The following OCM variants were observed in gnomAD, a reference collection of about 807,000 sequenced individuals.
The protein encoded by OCM is oncomodulin-1.
OCM carries 18 observed loss-of-function variants against 14.1 expected under a neutral mutation model. The observed-to-expected ratio is 1.28, with a 90% CI of 0.88 to 1.89. The LOEUF (loss-of-function observed/expected upper bound fraction) is 1.89. Among genes scored for constraint, OCM ranks in the 40% most tolerant of loss-of-function variants. OCM has a pLI of 0.00. For missense variants in OCM, 140 were observed against 137.6 expected, an observed-to-expected ratio of 1.02 and a Z score of -0.09; for synonymous variants, 48 against 51.0, an observed-to-expected ratio of 0.94 and a Z score of 0.25.
chr7:5,864,563 C>G, the OCM span, among the ~76,000 whole-genome samples: 4 of 152,006 alleles, frequency 2.6e-5, no homozygotes, highest in African/African-American at 7.3e-5. Flanking sequence ...GCAAAACCAG[C>G]AAGAAAATTC....
chr7:5,866,191 G>A, the OCM span, among the ~76,000 whole-genome samples: 1 of 151,588 alleles, frequency 6.6e-6, no homozygotes, highest in African/African-American at 2.4e-5. Context: ...TGGTTCTGGT[G>A]GTGTGTGCCT....
At chr7:5,865,444 A>G in the OCM span, among the ~76,000 whole-genome samples, 1 of 152,146 alleles carries the variant, frequency 6.6e-6, no homozygotes, top group South Asian at 2.1e-4. Flanking sequence ...GAGAAAGAGA[A>G]CCCCAACTCA....
chr7:5,872,807 T>C, the OCM span, among the ~76,000 whole-genome samples: 7 of 151,838 alleles, frequency 4.6e-5, 1 homozygote, highest in Admixed American at 2.0e-4. Context: ...GCTGACCTTC[T>C]CTCCACTATT....
the OCM span, among the ~76,000 whole-genome samples, chr7:5,866,870 G>A: frequency 6.6e-6 from 1 of 152,138 alleles, no homozygotes; most frequent in Non-Finnish European, 1.5e-5. Context: ...TCCCACAATT[G>A]TGTAAGGTCC....
At chr7:5,863,922 C>T in the OCM span, among the ~76,000 whole-genome samples, 1 of 151,982 alleles carries the variant, frequency 6.6e-6, no homozygotes, top group Non-Finnish European at 1.5e-5. Flanking sequence ...AACCTGGGGA[C>T]ACTCTCCTCT....
At chr7:5,862,789 C>G in the OCM span, among the ~76,000 whole-genome samples, 3 of 151,998 alleles carry the variant, frequency 2.0e-5, no homozygotes. Flanking sequence ...ATCTACTGAG[C>G]TCAAGATGAA....
the OCM span, among the ~76,000 whole-genome samples, chr7:5,872,880 A>G: frequency 1.3e-5 from 2 of 152,182 alleles, no homozygotes; most frequent in Admixed American, 1.3e-4. Context: ...ATAAATACTG[A>G]AAATAATAAT....
the OCM span, among the ~76,000 whole-genome samples, chr7:5,863,452 A>T: frequency 6.6e-6 from 1 of 151,922 alleles, no homozygotes; most frequent in African/African-American, 2.4e-5. Flanking sequence ...ACGTGGAGTG[A>T]CGTGCTTGAG....
upstream of OCM, among the ~76,000 whole-genome samples, chr7:5,875,161 TCTCCTGCCCCAGC>T (rs1377424078): frequency 1.3e-5 from 2 of 151,612 alleles, no homozygotes; most frequent in African/African-American, 2.4e-5. Context: ...TTCAAGCAAT[TCTCCTGCCCCAGC>T]CTCCCAAGTA....
Position 5,882,901 on chromosome 7 carries a change from G to A in OCM, c.194+276G>A, listed in dbSNP as rs190172965. Among the ~76,000 whole-genome samples, 272 of 150,878 alleles carry A rather than the reference G, an allele frequency of 1.8e-3. 1 individual carries two copies. Among genetic ancestry groups the A allele is most frequent in the South Asian group, 5.3e-3 (25 of 4,754 alleles). ...TCTGTTGCCCAGGCTGGAGTGCAGT[G>A]GGGTGATCTCAGCTCCCTGCAGCCT... On this transcript the variant is annotated intron_variant, in intron 2 of 3. Transcript: ENST00000242104.
chr7:5,882,121 C>CTT lies in OCM; in HGVS notation c.62-372_62-371insTT, dbSNP rs1464269482. Reference sequence around the variant, plus strand: ...AAAAAAAAAAAAAAAAAAAAAAAAGCGCCAAAGGCCATTTAGCCTGTTGAA... The same window carrying CTT: ...AAAAAAAAAAAAAAAAAAAAAAAAGCTTGCCAAAGGCCATTTAGCCTGTTGAA... On this transcript the variant is annotated intron_variant, in intron 1 of 3. Transcript: ENST00000242104. Among the ~76,000 whole-genome samples the CTT allele has an allele frequency of 7.3e-5, 6 of 82,020 alleles. 1 individual carries two copies. Among genetic ancestry groups the CTT allele is most frequent in the Non-Finnish European group, 1.4e-4 (6 of 42,806 alleles). The allele number at this position is 82,020 out of a possible 152,430, so 53.8% of individuals were successfully genotyped here.
chr7:5,861,838 C>T, the OCM span, among the ~76,000 whole-genome samples: 1 of 152,002 alleles, frequency 6.6e-6, no homozygotes, highest in African/African-American at 2.4e-5. Context: ...CTCGGCCTCC[C>T]AAAGCATTGA....
upstream of OCM, among the ~76,000 whole-genome samples, chr7:5,879,582 T>C (rs1196094684): frequency 6.6e-6 from 1 of 152,118 alleles, no homozygotes; most frequent in Non-Finnish European, 1.5e-5. Context: ...GTGTTTGTCT[T>C]AGTTCAGGCC....
chr7:5,878,766 A>AG (rs758560271), upstream of OCM, among the ~76,000 whole-genome samples: 105 of 150,698 alleles, frequency 7.0e-4, no homozygotes, highest in African/African-American at 2.3e-3. Flanking sequence ...AAAAAAAAAA[A>AG]TGGTTAAGAT....
chr7:5,861,962 C>T, the OCM span, among the ~76,000 whole-genome samples: 10 of 152,142 alleles, frequency 6.6e-5, no homozygotes, highest in African/African-American at 1.9e-4. Context: ...TTCACAGGCA[C>T]GAACATTGCA....
chr7:5,885,697 G>A (rs1361690990), intron 3 of OCM, among the ~76,000 whole-genome samples: 3 of 146,166 alleles, frequency 2.1e-5, no homozygotes, highest in African/African-American at 7.6e-5. Flanking sequence ...TGCAACCTCC[G>A]CCTCCCAGGT....
chr7:5,860,281 T>C, the OCM span, among the ~76,000 whole-genome samples: 1 of 151,050 alleles, frequency 6.6e-6, no homozygotes, highest in Non-Finnish European at 1.5e-5. Context: ...TCCTATACCA[T>C]TTTGTTTCTT....
chr7:5,861,747 TTTG>T, the OCM span, among the ~76,000 whole-genome samples: 6 of 152,066 alleles, frequency 3.9e-5, no homozygotes, highest in East Asian at 1.9e-4. Flanking sequence ...TTATTTATAA[TTTG>T]TTGTTGTTGT....
chr7:5,872,485 C>T, the OCM span, among the ~76,000 whole-genome samples: 1 of 152,088 alleles, frequency 6.6e-6, no homozygotes, highest in African/African-American at 2.4e-5. Flanking sequence ...CTCTGGATCC[C>T]ACCCCATCCC....
Sources: gnomAD v4.1 joint callset for allele counts (sites outside exome capture counted in the v4.1 genomes callset) on GRCh38, gnomAD v4.1.1 for gene constraint, MANE v1.5 for transcripts, NCBI Gene and HGNC (gene_info 2026-07-23, HGNC 2026-07-21) for gene names.